FTO: variants seen among roughly 807,000 people sequenced by gnomAD.
FTO encodes alpha-ketoglutarate-dependent dioxygenase FTO.
In FTO, 47 loss-of-function variants were observed where a neutral mutation model predicts 63.9. That is an observed-to-expected ratio of 0.74 (90% CI 0.58 to 0.94). The LOEUF is 0.94. Among genes scored for constraint, FTO ranks in the 40% least tolerant of loss-of-function variants. The probability of loss-of-function intolerance (pLI) is 0.00; values close to 1 mark genes in which losing one functional copy is unlikely to be tolerated. For synonymous variants in FTO, 207 were observed against 224.4 expected, an observed-to-expected ratio of 0.92 and a Z score of 0.69; for missense variants, 562 against 618.1, an observed-to-expected ratio of 0.91 and a Z score of 0.96.
At chr16:53,883,015 T>C (rs1265870885) in intron 6 of FTO, among the ~76,000 whole-genome samples, 1 of 152,194 alleles carries the variant, frequency 6.6e-6, no homozygotes, top group Non-Finnish European at 1.5e-5. Context: ...ACATTGCTGA[T>C]AGCCAGAACT....
intron 1 of FTO, among the ~76,000 whole-genome samples, chr16:53,781,231 A>G (rs1301360845): frequency 6.6e-6 from 1 of 152,250 alleles, no homozygotes; most frequent in Non-Finnish European, 1.5e-5. Context: ...ACTAAATGCT[A>G]GTAGTTCCTG....
In FTO at chr16:54,051,773, C is replaced by T. The variant is rs75785859; in HGVS notation, c.1365-59989C>T. ...TAAAATTATATTTAAAAGGCAGCTT[C>T]TTTTGTCTTATGTGCCCTTGGCTAG... On this transcript the variant is annotated intron_variant, in intron 8 of 8. Transcript: ENST00000471389. 5.6e-3 allele frequency among the ~76,000 whole-genome samples: 850 copies of T among 152,304 alleles called. 5 individuals are homozygous for T. The highest frequency in any genetic ancestry group is 0.016 in the African/African-American group (656 of 41,562).
intron 8 of FTO, among the ~76,000 whole-genome samples, chr16:54,111,004 G>A (rs1216202716): frequency 2.6e-5 from 4 of 152,246 alleles, no homozygotes; most frequent in African/African-American, 7.2e-5. Context: ...GTGTAAGAAC[G>A]TTGCCCCAAT....
chr16:54,008,805 AAATAAT>A (rs142826263), intron 8 of FTO, among the ~76,000 whole-genome samples: 13,270 of 140,682 alleles, frequency 0.094, 762 homozygotes, highest in East Asian at 0.17. Context: ...CTGTCTCCAC[AAATAAT>A]AATAATAATA....
intron 8 of FTO, among the ~76,000 whole-genome samples, chr16:53,939,056 C>A (rs1018587544): frequency 2.0e-5 from 3 of 152,076 alleles, no homozygotes; most frequent in Non-Finnish European, 2.9e-5. Flanking sequence ...CGAGATGACG[C>A]CACTGCACTC....
intron 8 of FTO, among the ~76,000 whole-genome samples, chr16:53,978,144 A>C (rs927476499): frequency 6.6e-6 from 1 of 152,194 alleles, no homozygotes; most frequent in African/African-American, 2.4e-5. Flanking sequence ...CATTTTATGC[A>C]TGTATGTCAC....
Position 53,917,974 on chromosome 16 carries a change from G to A in FTO, c.1240-16011G>A, listed in dbSNP as rs1357914536. On this transcript the variant is annotated intron_variant, in intron 7 of 8. Coordinates refer to ENST00000471389, the MANE Select transcript of FTO (RefSeq NM_001080432.3). ...AGTTTTAATCGTTACAATGTCAGTA[G>A]CATGAGCTTAGTGAGACATAGCTTT... 2.0e-5 allele frequency among the ~76,000 whole-genome samples: 3 copies of A among 152,106 alleles called. No individual in the cohort carries two copies. The East Asian group carries it at 5.8e-4, about 29-fold the overall frequency.
At chr16:53,901,872 A>G (rs890456354) in intron 7 of FTO, among the ~76,000 whole-genome samples, 1 of 152,302 alleles carries the variant, frequency 6.6e-6, no homozygotes, top group East Asian at 1.9e-4. Flanking sequence ...TGGGCTTCTG[A>G]AAGATTGCCT....
At chr16:53,847,132 C>T (rs56331404) in intron 4 of FTO, among the ~76,000 whole-genome samples, 27,784 of 152,126 alleles carry the variant, frequency 0.18, 2,752 homozygotes, top group East Asian at 0.33. Context: ...ATTAGCTATA[C>T]TGCAAAAGAG....
intron 4 of FTO, among the ~76,000 whole-genome samples, chr16:53,864,368 CA>C (rs1476586688): frequency 6.6e-6 from 1 of 152,062 alleles, no homozygotes; most frequent in Non-Finnish European, 1.5e-5. Flanking sequence ...TTAGGGTGAC[CA>C]ACTGTCCTTT....
intron 8 of FTO, among the ~76,000 whole-genome samples, chr16:54,102,152 C>G (rs1198056434): frequency 6.6e-6 from 1 of 152,122 alleles, no homozygotes; most frequent in Non-Finnish European, 1.5e-5. Flanking sequence ...TGTGCAGAAG[C>G]TCTTAAGTTT....
At chr16:53,752,903 TAGTC>T (rs1166169164) in intron 1 of FTO, among the ~76,000 whole-genome samples, 2 of 150,756 alleles carry the variant, frequency 1.3e-5, no homozygotes, top group African/African-American at 4.9e-5. Context: ...ACAATTTACA[TAGTC>T]AGATATGACT....
Position 53,864,139 on chromosome 16 carries a change from C to T in FTO, c.896-9647C>T, listed in dbSNP as rs1433488317. ...GGCCCACATCTAGGAAAAACAAGGT[C>T]ATAAATATTAAGATTGAGAGATGAG... On this transcript the variant is annotated intron_variant, in intron 4 of 8. Coordinates refer to ENST00000471389, the MANE Select transcript of FTO (RefSeq NM_001080432.3). Among the ~76,000 whole-genome samples, 4 of 152,022 alleles carry T rather than the reference C, an allele frequency of 2.6e-5. No individual in the cohort carries two copies. In the East Asian group the frequency reaches 7.7e-4, roughly 29 times the overall value.
intron 1 of FTO, among the ~76,000 whole-genome samples, chr16:53,753,632 A>G (rs2076850822): frequency 6.6e-6 from 1 of 152,082 alleles, no homozygotes; most frequent in South Asian, 2.1e-4. Context: ...GCCTGCCCCC[A>G]CATTCACTCA....
chr16:53,765,682 G>C (rs1022191874), intron 1 of FTO, among the ~76,000 whole-genome samples: 1 of 152,036 alleles, frequency 6.6e-6, no homozygotes, highest in Non-Finnish European at 1.5e-5. Flanking sequence ...GTGGTCTGAG[G>C]TCACCTTTGA....
chr16:54,061,287 G>A (rs1481516079), intron 8 of FTO, among the ~76,000 whole-genome samples: 2 of 152,110 alleles, frequency 1.3e-5, no homozygotes, highest in Non-Finnish European at 2.9e-5. Flanking sequence ...TGTCCCTTGA[G>A]GGCTCTTCCA....
rs1370391468 is a variant in FTO, at chr16:53,916,484, G to GT, written c.1240-17500dup. On this transcript the variant is annotated intron_variant, in intron 7 of 8. Transcript: ENST00000471389. Reference sequence around the variant, plus strand: ...AGTTGGAAATCTTGTTCCTATAAACGTAAGACACAAATTCTAATGAGCTTA... The same window carrying GT: ...AGTTGGAAATCTTGTTCCTATAAACGTTAAGACACAAATTCTAATGAGCTTA... Among the ~76,000 whole-genome samples, 3 of 152,150 alleles carry GT rather than the reference G, an allele frequency of 2.0e-5. No individual in the cohort carries two copies. In the East Asian group the frequency reaches 5.8e-4, roughly 29 times the overall value.
At chr16:53,930,956 C>G (rs953741820) in intron 7 of FTO, among the ~76,000 whole-genome samples, 3 of 152,122 alleles carry the variant, frequency 2.0e-5, no homozygotes, top group Non-Finnish European at 4.4e-5. Flanking sequence ...CTTCTTTATT[C>G]ACTGATTTGA....
At chr16:53,877,730 C>CA (rs202230780) in intron 5 of FTO, among the ~76,000 whole-genome samples, 4,414 of 137,448 alleles carry the variant, frequency 0.032, 156 homozygotes, top group East Asian at 0.15. Flanking sequence ...AAGCTGTTAC[C>CA]AAAAAAAAAA....
Sources: allele counts gnomAD v4.1 joint callset (sites outside exome capture counted in the v4.1 genomes callset), GRCh38; gene constraint gnomAD v4.1.1; transcripts MANE v1.5; gene names NCBI Gene and HGNC (gene_info 2026-07-23, HGNC 2026-07-21).